Variants in GPHB5 observed in about 807,000 individuals in gnomAD.
GPHB5 encodes the protein glycoprotein hormone beta-5.
Under a neutral mutation model 10.1 loss-of-function variants are expected in GPHB5, and 7 were observed. The ratio of observed to expected loss-of-function variants is 0.69; its 90% CI spans 0.39 to 1.30. The LOEUF (loss-of-function observed/expected upper bound fraction) is 1.30. Among genes scored for constraint, GPHB5 ranks in the 50% most tolerant of loss-of-function variants. The pLI, the probability that GPHB5 is intolerant of heterozygous loss-of-function variation, is 0.01. For synonymous variants in GPHB5, 68 were observed against 70.1 expected, an observed-to-expected ratio of 0.97 and a Z score of 0.15; for missense variants, 161 against 169.8, an observed-to-expected ratio of 0.95 and a Z score of 0.29.
chr14:63,318,224 C>G (rs1566641589), intron 1 of GPHB5, among the ~76,000 whole-genome samples: 1 of 152,192 alleles, frequency 6.6e-6, no homozygotes, highest in Non-Finnish European at 1.5e-5. Context: ...TACATGAATA[C>G]ATATAAATTA....
Position 63,313,049 on chromosome 14 carries a change from T to C in GPHB5, c.272A>G (p.Gln91Arg), listed in dbSNP as rs369482608. Residue 91 changes from glutamine to arginine, a missense_variant, in exon 3 of 3, where the codon CAG becomes CGG. Transcript: ENST00000621500. ...ACAGTTGGGCAGCTTGACAGTCACC[T>C]GTTTGGTCTCGTTGTAGGTACAGAC... ...HRVCTYNETKQVTVKLPNCAP... is the reference protein window; with the variant it reads ...HRVCTYNETKRVTVKLPNCAP... 1.9e-6 allele frequency: 3 copies of C among 1,606,328 alleles called. No homozygotes were observed. Among genetic ancestry groups the C allele is most frequent in the Non-Finnish European group, 2.6e-6 (3 of 1,176,438 alleles).
intron 2 of GPHB5, among the ~76,000 whole-genome samples, chr14:63,315,791 A>C (rs369472583): frequency 6.6e-6 from 1 of 152,324 alleles, no homozygotes. Flanking sequence ...AACACAGTCA[A>C]GACATGAATG....
At chr14:63,317,261 T>C (rs1882786814) in intron 2 of GPHB5, among the ~76,000 whole-genome samples, 1 of 152,044 alleles carries the variant, frequency 6.6e-6, no homozygotes, top group Non-Finnish European at 1.5e-5. Flanking sequence ...GGAGTTTGGG[T>C]CACAAGCTTG....
At chr14:63,313,206 C>G (rs1882703833) in intron 2 of GPHB5, 90 bp from the exon 3 acceptor site, 1 of 1,161,866 alleles carries the variant, frequency 8.6e-7, no homozygotes, top group African/African-American at 1.6e-5. Flanking sequence ...CAGAAATTAA[C>G]TTGTTATTCG....
intron 2 of GPHB5, 75 bp from the exon 3 acceptor site, chr14:63,313,191 A>G: frequency 1.0e-5 from 13 of 1,240,332 alleles, no homozygotes; most frequent in Non-Finnish European, 1.4e-5. Context: ...ATCATTTATC[A>G]CTATCAGAAA....
chr14:63,315,883 C>T (rs992932519), intron 2 of GPHB5, among the ~76,000 whole-genome samples: 6 of 152,212 alleles, frequency 3.9e-5, no homozygotes, highest in African/African-American at 1.4e-4. Flanking sequence ...CAGTTCCTGA[C>T]CTCCTATGGG....
At position 63,313,099 on chromosome 14, in the gene GPHB5, G is replaced by T; in HGVS notation, c.222C>A (p.Pro74=). 1 of 1,599,078 alleles carries T rather than the reference G, an allele frequency of 6.3e-7. No homozygotes were observed. The highest frequency in any genetic ancestry group is 1.1e-5 in the South Asian group (1 of 88,072). The change falls in exon 3 of 3, where the codon CCC becomes CCA. Residue 74 remains proline, a synonymous_variant. Coordinates refer to ENST00000621500, the MANE Select transcript of GPHB5 (RefSeq NM_145171.4). ...CTCGATGATGGGCTTCAATATAGGG[G>T]GGTTCCAGAATGGGTTTCTGTCCCC... ...CETWEKPILE[P]PYIEAHHRVC...
At chr14:63,314,545 C>CAAGTAGCT (rs1566640444) in intron 2 of GPHB5, among the ~76,000 whole-genome samples, 2 of 151,334 alleles carry the variant, frequency 1.3e-5, no homozygotes, top group African/African-American at 4.9e-5. Flanking sequence ...CTCAGCCTCC[C>CAAGTAGCT]GGGACTACAG....
intron 2 of GPHB5, among the ~76,000 whole-genome samples, chr14:63,316,235 C>A (rs1882768431): frequency 6.6e-6 from 1 of 152,214 alleles, no homozygotes; most frequent in Non-Finnish European, 1.5e-5. Flanking sequence ...GACCCAATTC[C>A]ATTCACAGGG....
At chr14:63,316,442 G>C (rs140739364) in intron 2 of GPHB5, among the ~76,000 whole-genome samples, 1 of 152,138 alleles carries the variant, frequency 6.6e-6, no homozygotes. Flanking sequence ...GTTCATACAC[G>C]ACATCTTGAC....
chr14:63,313,120 T>C lies in GPHB5; in HGVS notation c.205-4A>G. 1 of 1,568,274 alleles carries C rather than the reference T, an allele frequency of 6.4e-7. No homozygotes were observed. Among genetic ancestry groups the C allele is most frequent in the African/African-American group, 1.5e-5 (1 of 66,228 alleles). On this transcript the variant is annotated splice_region_variant and splice_polypyrimidine_tract_variant and intron_variant, in intron 2 of 2. Coordinates refer to ENST00000621500, the MANE Select transcript of GPHB5 (RefSeq NM_145171.4). ...AGGGGGGTTCCAGAATGGGTTTCTG[T>C]CCCCATAGATAGAAAACAGAGAATT...
chr14:63,315,122 G>A (rs913457586), intron 2 of GPHB5, among the ~76,000 whole-genome samples: 1 of 151,302 alleles, frequency 6.6e-6, no homozygotes, highest in Admixed American at 6.6e-5. Flanking sequence ...ACTAAAAACT[G>A]GCCAGGCTGG....
chr14:63,316,832 T>C (rs1339399586), intron 2 of GPHB5, among the ~76,000 whole-genome samples: 1 of 152,188 alleles, frequency 6.6e-6, no homozygotes, highest in Non-Finnish European at 1.5e-5. Context: ...TCAAGGTTTT[T>C]GGGCCAGGGA....
chr14:63,317,446 CTT>C (rs1882789698), intron 2 of GPHB5, among the ~76,000 whole-genome samples, 198 bp downstream of exon 2: 1 of 152,194 alleles, frequency 6.6e-6, no homozygotes, highest in African/African-American at 2.4e-5. Flanking sequence ...CTTATCAATG[CTT>C]TGTTAGAGGG....
chr14:63,316,143 G>C (rs1016264468), intron 2 of GPHB5, among the ~76,000 whole-genome samples: 2 of 152,224 alleles, frequency 1.3e-5, no homozygotes. Context: ...CATTGGGCTA[G>C]TAGGGCTCAA....
At chr14:63,317,523 A>G in intron 2 of GPHB5, 123 bp downstream of exon 2, 1 of 904,908 alleles carries the variant, frequency 1.1e-6, no homozygotes, top group Non-Finnish European at 1.7e-6. Flanking sequence ...TGGTTTTTTA[A>G]GTCCACAGGA....
At chr14:63,317,206 T>C (rs1367218533) in intron 2 of GPHB5, among the ~76,000 whole-genome samples, 1 of 152,092 alleles carries the variant, frequency 6.6e-6, no homozygotes, top group Non-Finnish European at 1.5e-5. Flanking sequence ...CAGGGCCTCT[T>C]TCTTGGAAAC....
chr14:63,316,739 G>T (rs1393139946), intron 2 of GPHB5, among the ~76,000 whole-genome samples: 1 of 152,224 alleles, frequency 6.6e-6, no homozygotes, highest in Non-Finnish European at 1.5e-5. Context: ...AAGAAAATGT[G>T]CTGTCTCCAG....
intron 2 of GPHB5, among the ~76,000 whole-genome samples, chr14:63,316,857 G>A (rs1436330619): frequency 1.3e-5 from 2 of 152,166 alleles, no homozygotes; most frequent in Admixed American, 6.5e-5. Flanking sequence ...CAAGATCAGA[G>A]ACAGCACTTC....
Sources: gnomAD v4.1 joint callset for allele counts (sites outside exome capture counted in the v4.1 genomes callset) on GRCh38, gnomAD v4.1.1 for gene constraint, MANE v1.5 for transcripts, NCBI Gene and HGNC (gene_info 2026-07-23, HGNC 2026-07-21) for gene names.